The following CDS1 variants were observed in gnomAD, a reference collection of about 807,000 sequenced individuals.
CDS1 encodes the protein CDP-diacylglycerol synthase 1.
In CDS1, 41 loss-of-function variants were observed where a neutral mutation model predicts 62.1. That is an observed-to-expected ratio of 0.66 (90% confidence interval 0.51 to 0.86). The LOEUF is 0.86. CDS1 is among the 40% of genes least tolerant of loss of function. The probability of loss-of-function intolerance (pLI) is 0.00; values close to 1 mark genes in which losing one functional copy is unlikely to be tolerated. For missense variants in CDS1, 470 were observed against 550.1 expected (o/e 0.85, Z 1.46); for synonymous variants, 185 against 192.6 (o/e 0.96, Z 0.32).
intron 5 of CDS1, among the ~76,000 whole-genome samples, chr4:84,631,085 A>G (rs1724005465): frequency 6.6e-6 from 1 of 152,222 alleles, no homozygotes; most frequent in Non-Finnish European, 1.5e-5. Context: ...TCTTTACATT[A>G]TTAAGAGTAT....
rs886489651 is a variant in CDS1 at position 84,650,274 on chromosome 4, A to G, written c.*1588A>G. 4 of 152,146 alleles carry G rather than the reference A, an allele frequency of 2.6e-5. No individual in the cohort carries two copies. Among genetic ancestry groups the G allele is most frequent in the Non-Finnish European group, 5.9e-5 (4 of 68,040 alleles). The allele number at this position is 152,146 out of a possible 1,614,324, so 9.4% of individuals were successfully genotyped here. A position where few individuals can be genotyped will look rare whatever the true frequency, so the allele number is the denominator to read the frequency against. ...CCAAGAGTCCATTTTATGGTCCAGC[A>G]TATACTCCATTGATTCATCATCACT... On this transcript the variant is annotated 3_prime_UTR_variant, in exon 13 of 13. Coordinates refer to ENST00000295887, the MANE Select transcript of CDS1 (RefSeq NM_001263.4).
At chr4:84,588,209 A>T (rs1722475851) in intron 1 of CDS1, among the ~76,000 whole-genome samples, 1 of 152,146 alleles carries the variant, frequency 6.6e-6, no homozygotes, top group Admixed American at 6.5e-5. Flanking sequence ...TTCAGGTAAG[A>T]TCCCTGTGTG....
intron 2 of CDS1, among the ~76,000 whole-genome samples, chr4:84,608,906 T>C (rs778060820): frequency 4.6e-5 from 7 of 151,752 alleles, no homozygotes; most frequent in African/African-American, 9.7e-5. Flanking sequence ...TGGCCGGGCG[T>C]GGTGGCTCAC....
intron 2 of CDS1, among the ~76,000 whole-genome samples, chr4:84,609,190 A>G (rs1723234801): frequency 6.6e-6 from 1 of 151,702 alleles, no homozygotes; most frequent in Admixed American, 6.6e-5. Context: ...CAAAAAAAAA[A>G]AAAAAAAAAA....
At chr4:84,590,954 C>T (rs113022486) in intron 1 of CDS1, among the ~76,000 whole-genome samples, 14 of 152,222 alleles carry the variant, frequency 9.2e-5, no homozygotes, top group African/African-American at 2.2e-4. Flanking sequence ...TTAGCTCAAA[C>T]GGTGAGAGAC....
chr4:84,583,650 G>T (rs968192094), intron 1 of CDS1, 132 bp downstream of exon 1: 2 of 567,986 alleles, frequency 3.5e-6, no homozygotes, highest in Non-Finnish European at 6.1e-6. Flanking sequence ...CTTCCTCCCT[G>T]CCTGGCACTG....
chr4:84,631,721 C>G, intron 5 of CDS1, 98 bp from the exon 6 acceptor site: 1 of 891,024 alleles, frequency 1.1e-6, no homozygotes, highest in Non-Finnish European at 1.9e-6. Flanking sequence ...TAAAATATGC[C>G]TAGCTGTGAT....
intron 1 of CDS1, among the ~76,000 whole-genome samples, chr4:84,602,312 A>T (rs1469764539): frequency 6.6e-6 from 1 of 152,240 alleles, no homozygotes; most frequent in Non-Finnish European, 1.5e-5. Context: ...AAATAAAAGC[A>T]GGACAGCCTT....
At chr4:84,620,058 A>G (rs1037829104) in intron 5 of CDS1, among the ~76,000 whole-genome samples, 1 of 150,590 alleles carries the variant, frequency 6.6e-6, no homozygotes, top group Non-Finnish European at 1.5e-5. Context: ...ATCACTCCAT[A>G]TGTTTGAAAA....
intron 5 of CDS1, among the ~76,000 whole-genome samples, chr4:84,630,904 A>G (rs187880128): frequency 2.0e-5 from 3 of 152,322 alleles, no homozygotes; most frequent in Non-Finnish European, 2.9e-5. Flanking sequence ...CCTCTGTAAA[A>G]TAAACCTATC....
At chr4:84,641,626 G>A (rs1268398532) in intron 10 of CDS1, among the ~76,000 whole-genome samples, 1 of 152,172 alleles carries the variant, frequency 6.6e-6, no homozygotes. Context: ...ATTATGGACA[G>A]AAAGTTGCTG....
chr4:84,616,095 TATG>T (rs1037315396), intron 3 of CDS1, among the ~76,000 whole-genome samples: 2 of 152,236 alleles, frequency 1.3e-5, no homozygotes, highest in South Asian at 4.1e-4. Context: ...ATTACATCAG[TATG>T]ATATTTTAAA....
intron 5 of CDS1, 143 bp from the exon 6 acceptor site, chr4:84,631,676 A>C: frequency 1.5e-6 from 1 of 669,598 alleles, no homozygotes; most frequent in South Asian, 1.9e-5. Context: ...TGCTTAATGT[A>C]AGATAGTAGG....
intron 3 of CDS1, among the ~76,000 whole-genome samples, chr4:84,615,592 CT>C (rs1043843499): frequency 4.6e-5 from 7 of 152,142 alleles, no homozygotes; most frequent in African/African-American, 1.7e-4. Context: ...CCCCCTCCCC[CT>C]GCCACAGGTG....
intron 5 of CDS1, among the ~76,000 whole-genome samples, chr4:84,624,523 C>T (rs2148651560): frequency 6.6e-6 from 1 of 152,006 alleles, no homozygotes; most frequent in East Asian, 1.9e-4. Flanking sequence ...TACCATTTTT[C>T]CACTTCATAT....
intron 1 of CDS1, among the ~76,000 whole-genome samples, chr4:84,591,541 T>C (rs1187970979): frequency 6.6e-6 from 1 of 152,206 alleles, no homozygotes; most frequent in Non-Finnish European, 1.5e-5. Flanking sequence ...TCTTGAATTA[T>C]GGACTTTCCC....
chr4:84,628,824 T>C (rs559558850), intron 5 of CDS1, among the ~76,000 whole-genome samples: 1 of 152,206 alleles, frequency 6.6e-6, no homozygotes, highest in Non-Finnish European at 1.5e-5. Context: ...CATGGGACAC[T>C]GCACCTGGAT....
chr4:84,644,568 G>GA (rs1724496929), intron 11 of CDS1, among the ~76,000 whole-genome samples: 1 of 152,108 alleles, frequency 6.6e-6, no homozygotes, highest in South Asian at 2.1e-4. Context: ...TTTTTAGGGT[G>GA]CCTGAGTGAA....
chr4:84,609,135 C>T (rs1390235845), intron 2 of CDS1, among the ~76,000 whole-genome samples: 5 of 147,978 alleles, frequency 3.4e-5, no homozygotes, highest in South Asian at 2.1e-4. Flanking sequence ...GCCGAGATCA[C>T]GCCACTGCAC....
Sources: allele counts gnomAD v4.1 joint callset (sites outside exome capture counted in the v4.1 genomes callset), GRCh38; gene constraint gnomAD v4.1.1; transcripts MANE v1.5; gene names NCBI Gene and HGNC (gene_info 2026-07-23, HGNC 2026-07-21).